Variants in ZFHX3 observed in about 807,000 individuals in gnomAD.
ZFHX3 encodes the protein zinc finger homeobox 3.
Under a neutral mutation model 279.1 loss-of-function variants are expected in ZFHX3, and 42 were observed. The ratio of observed to expected loss-of-function variants is 0.15; its 90% CI spans 0.12 to 0.19. The LOEUF (loss-of-function observed/expected upper bound fraction) is 0.19, where lower values mean the gene tolerates loss of function less well. Ranked by LOEUF, ZFHX3 falls within the 10% of genes least tolerant of loss-of-function variation. The pLI is 1.00. For missense variants in ZFHX3, 4,981 were observed against 4,754.0 expected (o/e 1.05, Z -1.40); for synonymous variants, 2,293 against 1,957.8 (o/e 1.17, Z -4.52).
intron 2 of ZFHX3, among the ~76,000 whole-genome samples, chr16:73,523,067 T>C (rs951268152): frequency 1.3e-5 from 2 of 152,140 alleles, no homozygotes; most frequent in South Asian, 4.1e-4. Context: ...AGATAAGATT[T>C]GGGTAGGGAC....
At chr16:73,323,033 C>T (rs143031245) in intron 3 of ZFHX3, among the ~76,000 whole-genome samples, 40 of 152,284 alleles carry the variant, frequency 2.6e-4, no homozygotes, top group African/African-American at 9.4e-4. Context: ...GCAGCGGAGA[C>T]CCTGTGGCCT....
chr16:73,647,462 T>A (rs1160423191), intron 2 of ZFHX3, among the ~76,000 whole-genome samples: 1 of 152,166 alleles, frequency 6.6e-6, no homozygotes, highest in African/African-American at 2.4e-5. Context: ...TATGCGGCAC[T>A]TACCGCTTCA....
chr16:73,211,156 G>A (rs1026173436), intron 5 of ZFHX3, among the ~76,000 whole-genome samples: 5 of 152,120 alleles, frequency 3.3e-5, no homozygotes, highest in Non-Finnish European at 7.3e-5. Context: ...GCCACAAATG[G>A]TTGGTTGATG....
rs117752160 is a variant in ZFHX3, at chr16:73,357,603, G to T, written c.-1290-39267C>A. On this transcript the variant is annotated intron_variant, in intron 3 of 17. Coordinates refer to the ZFHX3 transcript ENST00000641206. ...GAAAACCAGAGGGCTTACCCTATAGGCCCCATTCCTCCAGGTTCTAAAAGG... is the reference window on the plus strand; with the variant it reads ...GAAAACCAGAGGGCTTACCCTATAGTCCCCATTCCTCCAGGTTCTAAAAGG... Among the ~76,000 whole-genome samples the T allele has an allele frequency of 6.6e-3, 1,011 of 152,272 alleles. 6 individuals carry two copies. The highest frequency in any genetic ancestry group is 0.028 in the South Asian group (133 of 4,828).
At chr16:73,500,023 C>G (rs562492371) in intron 2 of ZFHX3, 7 of 152,292 alleles carry the variant, frequency 4.6e-5, no homozygotes, top group African/African-American at 1.7e-4. Context: ...GTAATAGTGA[C>G]TATGTTACTG....
At chr16:73,681,334 G>A (rs1024506244) in intron 1 of ZFHX3, among the ~76,000 whole-genome samples, 3 of 152,194 alleles carry the variant, frequency 2.0e-5, no homozygotes, top group African/African-American at 7.2e-5. Context: ...CGTCCAAAGC[G>A]AAGGCAGAAG....
intron 5 of ZFHX3, among the ~76,000 whole-genome samples, chr16:73,256,335 T>C (rs540797897): frequency 6.6e-6 from 1 of 152,310 alleles, no homozygotes; most frequent in Non-Finnish European, 1.5e-5. Context: ...TAGAAGATGA[T>C]TCTATTTGTA....
chr16:73,402,738 A>T (rs1169481184), intron 3 of ZFHX3, among the ~76,000 whole-genome samples: 1 of 152,178 alleles, frequency 6.6e-6, no homozygotes, highest in East Asian at 1.9e-4. Context: ...TCTGTATACA[A>T]AGCCTGCAAG....
chr16:72,952,225 C>A (rs766457468), intron 2 of ZFHX3, among the ~76,000 whole-genome samples: 1 of 152,182 alleles, frequency 6.6e-6, no homozygotes, highest in Non-Finnish European at 1.5e-5. Context: ...GGTGACAGAG[C>A]AGGACCCTGT....
intron 5 of ZFHX3, among the ~76,000 whole-genome samples, chr16:73,195,757 C>CAA (rs374985325): frequency 0.014 from 2,153 of 150,770 alleles, 43 homozygotes; most frequent in African/African-American, 0.049. Flanking sequence ...GGCTAGAAAG[C>CAA]AAAAAAAATA....
At chr16:73,386,521 A>G (rs112325485) in intron 3 of ZFHX3, among the ~76,000 whole-genome samples, 20 of 152,320 alleles carry the variant, frequency 1.3e-4, no homozygotes, top group African/African-American at 4.8e-4. Flanking sequence ...TATTACGGAC[A>G]TAACATTAAT....
At chr16:73,468,066 G>T (rs957847685) in intron 2 of ZFHX3, among the ~76,000 whole-genome samples, 1 of 152,214 alleles carries the variant, frequency 6.6e-6, no homozygotes, top group African/African-American at 2.4e-5. Context: ...GTTGGGATTA[G>T]ATTTGGTTAC....
chr16:73,383,896 T>G (rs1256035239), intron 3 of ZFHX3, among the ~76,000 whole-genome samples: 1 of 152,238 alleles, frequency 6.6e-6, no homozygotes, highest in African/African-American at 2.4e-5. Context: ...CCCAGAAGAA[T>G]GCATGCCTTC....
At chr16:73,015,390 C>T (rs1964065322) in intron 1 of ZFHX3, 1 of 152,118 alleles carries the variant, frequency 6.6e-6, no homozygotes, top group African/African-American at 2.4e-5. Context: ...AGTATCTTAG[C>T]ATTAGACAGA....
At chr16:73,356,051 A>T (rs1233625590) in intron 3 of ZFHX3, among the ~76,000 whole-genome samples, 4 of 152,266 alleles carry the variant, frequency 2.6e-5, no homozygotes, top group African/African-American at 9.6e-5. Context: ...CCAGAGACCT[A>T]AGTTTCCGAA....
intron 5 of ZFHX3, among the ~76,000 whole-genome samples, chr16:73,253,073 G>A (rs1473950968): frequency 1.3e-5 from 2 of 152,156 alleles, no homozygotes; most frequent in African/African-American, 4.8e-5. Context: ...TGTTCCAGGC[G>A]ATGACTGAGC....
Position 73,870,161 on chromosome 16 carries a change from A to T in ZFHX3, c.-1608+21490T>A, listed in dbSNP as rs574277728. Among the ~76,000 whole-genome samples the T allele has an allele frequency of 2.0e-5, 3 of 152,332 alleles. No homozygotes were observed. In the South Asian group the frequency reaches 6.2e-4, roughly 32 times the overall value. On this transcript the variant is annotated intron_variant, in intron 1 of 17. Coordinates refer to the ZFHX3 transcript ENST00000641206. Reference sequence around the variant, plus strand: ...TATATGTCATCTTTAGGGATAAAGAAAGATAGGTCCCTCATAATCAATTTA... The same window carrying T: ...TATATGTCATCTTTAGGGATAAAGATAGATAGGTCCCTCATAATCAATTTA...
At position 72,793,274 on chromosome 16, in the gene ZFHX3, G is replaced by C; in HGVS notation, c.9408C>G (p.Gly3136=). Reference sequence around the variant, plus strand: ...ACCCACCTGTGTTGGATGGAGTAAAGCCTGGCAAGGAGGGGCTGTTGAGGC... The same window carrying C: ...ACCCACCTGTGTTGGATGGAGTAAACCCTGGCAAGGAGGGGCTGTTGAGGC... ...LPGLNSPSLP[G]FTPSNTALTS... is the part of the protein sequence containing the mutation. Residue 3136 remains glycine, a synonymous_variant, in exon 9 of 10, where the codon GGC becomes GGG. Coordinates refer to ENST00000268489, the MANE Select transcript of ZFHX3 (RefSeq NM_006885.4). The surrounding 1 kb of genome is among the most constrained non-coding windows in gnomAD (Gnocchi z 4.3). 3 of 1,613,592 alleles carry C rather than the reference G, an allele frequency of 1.9e-6. No homozygotes were observed. Among genetic ancestry groups the C allele is most frequent in the Non-Finnish European group, 2.5e-6 (3 of 1,179,680 alleles).
intron 1 of ZFHX3, among the ~76,000 whole-genome samples, chr16:73,879,420 T>C (rs1400298953): frequency 6.6e-6 from 1 of 152,072 alleles, no homozygotes; most frequent in Non-Finnish European, 1.5e-5. Context: ...CGAGGTTTTG[T>C]AAGCCATTCC....
Sources: allele counts gnomAD v4.1 joint callset (sites outside exome capture counted in the v4.1 genomes callset), GRCh38; gene constraint gnomAD v4.1.1; non-coding constraint Gnocchi (gnomAD v3.1); transcripts MANE v1.5; gene names NCBI Gene and HGNC (gene_info 2026-07-23, HGNC 2026-07-21).